Variants in SOX13 observed in about 807,000 individuals in gnomAD.
SOX13 encodes the protein transcription factor SOX-13.
In SOX13, 28 loss-of-function variants were observed where a neutral mutation model predicts 71.8. The ratio of observed to expected loss-of-function variants is 0.39; its 90% confidence interval spans 0.29 to 0.53. The LOEUF (loss-of-function observed/expected upper bound fraction) is 0.53. SOX13 is among the 20% of genes least tolerant of loss of function. SOX13 has a pLI of 0.70. For synonymous variants in SOX13, 309 were observed against 317.8 expected, an observed-to-expected ratio of 0.97 and a Z score of 0.29; for missense variants, 627 against 810.3, an observed-to-expected ratio of 0.77 and a Z score of 2.75.
At chr1:204,075,523 G>A (rs1052389896) in intron 1 of SOX13, among the ~76,000 whole-genome samples, 1 of 152,224 alleles carries the variant, frequency 6.6e-6, no homozygotes, top group African/African-American at 2.4e-5. Flanking sequence ...TGCGAAATGG[G>A]CAGAGTTATG....
Position 204,073,323 on chromosome 1 carries a change from G to T in SOX13, c.-390G>T, listed in dbSNP as rs1256666693. On this transcript the variant is annotated 5_prime_UTR_variant, in exon 1 of 14. Transcript: ENST00000367204. The surrounding 1 kb of genome is among the most constrained non-coding windows in gnomAD (Gnocchi z 6.8). Reference sequence around the variant, plus strand: ...GAGAGCGTGAGAGCCGAAGAGCAGGGAGGGCGGGCCGGCTGCGCGTCCGAC... The same window carrying T: ...GAGAGCGTGAGAGCCGAAGAGCAGGTAGGGCGGGCCGGCTGCGCGTCCGAC... 2.0e-5 allele frequency: 3 copies of T among 152,840 alleles called. No homozygotes were observed. Among genetic ancestry groups the T allele is most frequent in the Admixed American group, 2.0e-4 (3 of 15,294 alleles). 9.5% of individuals were successfully genotyped at this position (152,840 alleles called of 1,614,324 possible). A position where few individuals can be genotyped will look rare whatever the true frequency, so the allele number is the denominator to read the frequency against.
At chr1:204,074,459 T>A (rs1456153634) in intron 1 of SOX13, 1 of 150,144 alleles carries the variant, frequency 6.7e-6, no homozygotes, top group Non-Finnish European at 1.5e-5. Flanking sequence ...GCGGAGCGGG[T>A]AGTCGTTCAG....
At position 204,077,146 on chromosome 1, in the gene SOX13, A is replaced by G. The variant is rs61825726; in HGVS notation, c.-2+3435A>G. On this transcript the variant is annotated intron_variant, in intron 1 of 13. Coordinates refer to ENST00000367204, the MANE Select transcript of SOX13 (RefSeq NM_005686.3). ...GAGCCAGCTGCATAAAGACCTGGAG[A>G]CAGGGGATTGCAGGTAGAGGGAATA... 7.2e-3 allele frequency among the ~76,000 whole-genome samples: 1,097 copies of G among 152,294 alleles called. 5 individuals are homozygous for G. The highest frequency in any genetic ancestry group is 0.022 in the South Asian group (108 of 4,820).
chr1:204,107,619 A>C (rs1193042332), intron 1 of SOX13, among the ~76,000 whole-genome samples: 1 of 152,046 alleles, frequency 6.6e-6, no homozygotes, highest in East Asian at 1.9e-4. Context: ...AGGGCAGGGA[A>C]AGCAGCTGCT....
At position 204,124,827 on chromosome 1, in the gene SOX13, G is replaced by A. The variant is rs754548174; in HGVS notation, c.1562G>A (p.Arg521His). The A allele has an allele frequency of 8.2e-6, 13 of 1,579,598 alleles. No homozygotes were observed. The highest frequency in any genetic ancestry group is 1.8e-5 in the Admixed American group (1 of 54,626). ...TACAAGGCCCTGATGAGGACCCGGC[G>A]TCAGGATGCCCGCCAGAGCTACGTG... is the stretch of plus-strand genomic sequence containing the variant. The part of the protein sequence containing the change: ...GEYKALMRTR[R>H]QDARQSYVIP... The change falls in exon 13 of 14, where the codon CGT becomes CAT. Residue 521 changes from arginine (R) to histidine (H), a missense_variant. Physicochemically the swap from Arg to His is conservative, Grantham distance 29. Transcript: ENST00000367204.
chr1:204,091,555 C>T (rs962283701), intron 1 of SOX13, among the ~76,000 whole-genome samples: 1 of 152,160 alleles, frequency 6.6e-6, no homozygotes, highest in African/African-American at 2.4e-5. Flanking sequence ...TCTAATCTCT[C>T]TGGGGAGGTG....
intron 4 of SOX13, 144 bp from the exon 5 acceptor site, chr1:204,116,363 G>T (rs762724592): frequency 7.0e-6 from 11 of 1,564,328 alleles, no homozygotes; most frequent in Non-Finnish European, 9.5e-6. Flanking sequence ...AGCATCTTGT[G>T]TCATCATCTC....
Position 204,122,795 on chromosome 1 carries a change from T to C in SOX13, c.1025-59T>C, listed in dbSNP as rs1656836132. The C allele has an allele frequency of 3.6e-6, 4 of 1,097,546 alleles. No homozygotes were observed. In the African/African-American group the frequency reaches 4.7e-5, roughly 13 times the overall value. 68.0% of individuals were successfully genotyped at this position (1,097,546 alleles called of 1,614,324 possible). On this transcript the variant is annotated intron_variant, in intron 9 of 13. Coordinates refer to ENST00000367204, the MANE Select transcript of SOX13 (RefSeq NM_005686.3). ...AAGCTGATGGAGTTTGGGCTCATGC[T>C]GGGCTGATGCCCTCAGCTTCTCTCG... is the stretch of plus-strand genomic sequence containing the variant.
Position 204,123,298 on chromosome 1 carries a change from C to T in SOX13, c.1231+90C>T. 9.5e-7 allele frequency: 1 copy of T among 1,052,034 alleles called. No homozygotes were observed. The highest frequency in any genetic ancestry group is 1.5e-6 in the Non-Finnish European group (1 of 674,332). 65.2% of individuals were successfully genotyped at this position (1,052,034 alleles called of 1,614,324 possible). On this transcript the variant is annotated intron_variant, in intron 11 of 13. Coordinates refer to ENST00000367204, the MANE Select transcript of SOX13 (RefSeq NM_005686.3). This position sits in a 1 kb window ranked among gnomAD's most constrained non-coding sequence, Gnocchi z 5.0. The stretch of plus-strand genomic sequence containing the variant: ...GCTGTGTCTGCCTCTGATCTCTTCC[C>T]TCCCTTGGTCTGTTGGGTCCTTTCC...
At chr1:204,109,174 C>G (rs1656528994) in intron 1 of SOX13, among the ~76,000 whole-genome samples, 1 of 152,180 alleles carries the variant, frequency 6.6e-6, no homozygotes, top group Non-Finnish European at 1.5e-5. Flanking sequence ...GGGATGGGGC[C>G]TTTGTACTTA....
At chr1:204,097,580 A>G (rs1279836548) in intron 1 of SOX13, among the ~76,000 whole-genome samples, 1 of 151,728 alleles carries the variant, frequency 6.6e-6, no homozygotes, top group Non-Finnish European at 1.5e-5. Flanking sequence ...AATCCCAGCT[A>G]CTCGGGAGGC....
intron 1 of SOX13, among the ~76,000 whole-genome samples, chr1:204,074,733 T>G (rs1446335912): frequency 6.6e-6 from 1 of 151,968 alleles, no homozygotes; most frequent in Non-Finnish European, 1.5e-5. Flanking sequence ...GGGCGGGAAG[T>G]GAATTTTGAA....
At chr1:204,105,438 C>A (rs1476731281) in intron 1 of SOX13, among the ~76,000 whole-genome samples, 1 of 109,828 alleles carries the variant, frequency 9.1e-6, no homozygotes, top group East Asian at 2.5e-4. Flanking sequence ...CAGAGTCTCC[C>A]TCAGTCACCC....
chr1:204,082,361 CAGTG>C (rs1379860049), intron 1 of SOX13, among the ~76,000 whole-genome samples: 1 of 151,744 alleles, frequency 6.6e-6, no homozygotes, highest in African/African-American at 2.4e-5. Context: ...TCCAGGGAGA[CAGTG>C]AGGACATTAG....
At chr1:204,094,128 G>A (rs1157151239) in intron 1 of SOX13, among the ~76,000 whole-genome samples, 9 of 152,174 alleles carry the variant, frequency 5.9e-5, no homozygotes, top group Admixed American at 2.0e-4. Flanking sequence ...GTGTGTAAAG[G>A]GTGTTGACAT....
intron 13 of SOX13, 32 bp downstream of exon 13, chr1:204,124,889 A>C: frequency 1.4e-6 from 2 of 1,476,974 alleles, no homozygotes; most frequent in Non-Finnish European, 1.9e-6. Context: ...CAGCCAGGAG[A>C]CTGTGTGTAC....
At chr1:204,089,310 G>A (rs927923154) in intron 1 of SOX13, among the ~76,000 whole-genome samples, 101 of 152,270 alleles carry the variant, frequency 6.6e-4, no homozygotes, top group African/African-American at 2.3e-3. Context: ...AGCCCCGTGT[G>A]GGGAGGCACT....
chr1:204,080,831 T>C (rs140953359), intron 1 of SOX13, among the ~76,000 whole-genome samples: 4 of 151,808 alleles, frequency 2.6e-5, no homozygotes, highest in Non-Finnish European at 5.9e-5. Context: ...AGGTGCTGAG[T>C]TAGAGAAAGT....
chr1:204,077,021 G>C (rs145788279), intron 1 of SOX13, among the ~76,000 whole-genome samples: 35 of 152,366 alleles, frequency 2.3e-4, no homozygotes, highest in Non-Finnish European at 4.4e-4. Context: ...TGATGTGATA[G>C]AAAACATATG....
Sources: gnomAD v4.1 joint callset for allele counts (sites outside exome capture counted in the v4.1 genomes callset) on GRCh38, gnomAD v4.1.1 for gene constraint, Gnocchi (gnomAD v3.1) non-coding constraint, MANE v1.5 for transcripts, NCBI Gene and HGNC (gene_info 2026-07-23, HGNC 2026-07-21) for gene names.